The following DENND4B variants were observed in gnomAD, a reference collection of about 807,000 sequenced individuals.
DENND4B encodes DENN domain-containing protein 4B.
A neutral mutation model predicts 161.0 loss-of-function variants in DENND4B; 67 were observed. That is an observed-to-expected ratio of 0.42 (90% CI 0.34 to 0.51). The LOEUF (loss-of-function observed/expected upper bound fraction) is 0.51, where lower values mean the gene tolerates loss of function less well. Ranked by LOEUF, DENND4B falls within the 20% of genes least tolerant of loss-of-function variation. The probability of loss-of-function intolerance (pLI) is 0.08; values close to 1 mark genes in which losing one functional copy is unlikely to be tolerated. For missense variants in DENND4B, 1,481 were observed against 1,968.0 expected (o/e 0.75, Z 4.68); for synonymous variants, 753 against 813.8 (o/e 0.93, Z 1.27).
In DENND4B at chr1:153,934,910, C is replaced by T. The variant is rs1260220964; in HGVS notation, c.2623G>A (p.Ala875Thr). The T allele has an allele frequency of 6.2e-7, 1 of 1,613,428 alleles. No homozygotes were observed. Among genetic ancestry groups the T allele is most frequent in the Middle Eastern group, 1.6e-4 (1 of 6,062 alleles). ...CCCAGGACAACATTCCGGAGCTTGG[C>T]CCAGCGCAGACGCCCACCTGGTGTG... ...SGTPGGRLRW[A>T]KLRNVVLGAA... The change falls in exon 18 of 28, where the codon GCC (alanine) becomes ACC (threonine). Residue 875 changes from alanine (A) to threonine (T), a missense_variant. Ala to Thr is a moderately conservative substitution (Grantham distance 58). Coordinates refer to ENST00000361217, the MANE Select transcript of DENND4B (RefSeq NM_014856.3). This position sits in a 1 kb window ranked among gnomAD's most constrained non-coding sequence, Gnocchi z 5.3.
In DENND4B at chr1:153,942,892, G is replaced by T; in HGVS notation, c.556C>A (p.Leu186Ile). 6.2e-7 allele frequency: 1 copy of T among 1,600,938 alleles called. No individual in the cohort carries two copies. Among genetic ancestry groups the T allele is most frequent in the South Asian group, 1.1e-5 (1 of 90,504 alleles). ...GCCCCACTCACCATGCCAGGGTTGA[G>T]GTTGCGGGGCAGCCGGCAGTAAGTA... ...PHTYCRLPRN[L>I]NPGMWGPAVY... The change falls in exon 3 of 28, where the codon CTC becomes ATC. Residue 186 changes from leucine to isoleucine, a missense_variant. Around this residue, in one of 3 missense-constraint regions of DENND4B, gnomAD observed 806 missense variants for 1,134.4 expected, o/e 0.71. Transcript: ENST00000361217. This position sits in a 1 kb window ranked among gnomAD's most constrained non-coding sequence, Gnocchi z 6.9.
chr1:153,939,928 T>A (rs1679569735), intron 11 of DENND4B, 124 bp from the exon 12 acceptor site: 1 of 969,978 alleles, frequency 1.0e-6, no homozygotes, highest in Non-Finnish European at 1.5e-6. Context: ...AACTAAAGTA[T>A]TACCTTCAAC....
In DENND4B at chr1:153,942,810, T is replaced by C. The variant is rs1679751077; in HGVS notation, c.570+68A>G. The C allele has an allele frequency of 6.5e-7, 1 of 1,533,374 alleles. No individual in the cohort carries two copies. The highest frequency in any genetic ancestry group is 1.3e-5 in the South Asian group (1 of 78,066). The allele number at this position is 1,533,374 out of a possible 1,614,324, so 95.0% of individuals were successfully genotyped here. A position where few individuals can be genotyped will look rare whatever the true frequency, so the allele number is the denominator to read the frequency against. ...TCAGAGCCTTGGTCCTGGGATGCCC[T>C]TTGTTCCCAGTGTCCACACCCACTC... On this transcript the variant is annotated intron_variant, in intron 3 of 27. Coordinates refer to ENST00000361217, the MANE Select transcript of DENND4B (RefSeq NM_014856.3). This position sits in a 1 kb window ranked among gnomAD's most constrained non-coding sequence, Gnocchi z 6.9.
At chr1:153,943,186 C>A in intron 2 of DENND4B, 56 bp from the exon 3 acceptor site, 1 of 1,556,056 alleles carries the variant, frequency 6.4e-7, no homozygotes, top group South Asian at 1.2e-5. Context: ...GACAAAGACC[C>A]AATCCTGCCA....
chr1:153,934,440 T>G lies in DENND4B; in HGVS notation c.2774-138A>C. The G allele has an allele frequency of 7.8e-7, 1 of 1,274,592 alleles. No individual in the cohort carries two copies. Among genetic ancestry groups the G allele is most frequent in the East Asian group, 2.6e-5 (1 of 39,152 alleles). 79.0% of individuals were successfully genotyped at this position (1,274,592 alleles called of 1,614,324 possible). A position where few individuals can be genotyped will look rare whatever the true frequency, so the allele number is the denominator to read the frequency against. ...TTTATCCGTTTTGTGTTTGTTTGTT[T>G]GTTTGTTTTGTTTTGTTTTTTGAGA... is the stretch of plus-strand genomic sequence containing the variant. On this transcript the variant is annotated intron_variant, in intron 18 of 27. Transcript: ENST00000361217. This position sits in a 1 kb window ranked among gnomAD's most constrained non-coding sequence, Gnocchi z 5.3.
rs1457171787 is a variant in DENND4B, at chr1:153,932,628, G to C, written c.3759+14C>G. 1 of 1,607,232 alleles carries C rather than the reference G, an allele frequency of 6.2e-7. No individual in the cohort carries two copies. The highest frequency in any genetic ancestry group is 8.5e-7 in the Non-Finnish European group (1 of 1,175,618). On this transcript the variant is annotated intron_variant, in intron 23 of 27. Transcript: ENST00000361217. The surrounding 1 kb of genome is among the most constrained non-coding windows in gnomAD (Gnocchi z 5.8). ...ACATTCCCGTTCCTCATGCCCCTTT[G>C]GCCCAGCCCTTACCCCCATGTGCCC...
chr1:153,939,662 C>G lies in DENND4B; in HGVS notation c.1746G>C (p.Arg582=). ...CCTGGGTGAGTGGGCGCAGGAAGAC[C>G]CGGTAGCCCTTGAGCAGACAGGCCA... is the stretch of plus-strand genomic sequence containing the variant. ...RFMACLLKGY[R]VFLRPLTQAP... Residue 582 remains arginine, a synonymous_variant, in exon 12 of 28, where the codon CGG becomes CGC. Transcript: ENST00000361217. 1 of 1,613,892 alleles carries G rather than the reference C, an allele frequency of 6.2e-7. No individual in the cohort carries two copies. The highest frequency in any genetic ancestry group is 2.2e-5 in the East Asian group (1 of 44,852).
In DENND4B at chr1:153,943,970, C is replaced by T. The variant is rs900245769; in HGVS notation, c.317+88G>A. ...CCACCAGGCTCCCATCCCCATTGCC[C>T]TTCCCTTGTTCCATAGTCCTACCTC... On this transcript the variant is annotated intron_variant, in intron 2 of 27. Transcript: ENST00000361217. 7.8e-6 allele frequency: 11 copies of T among 1,404,156 alleles called. No individual in the cohort carries two copies. The Admixed American group carries it at 1.2e-4, about 16-fold the overall frequency. 87.0% of individuals were successfully genotyped at this position (1,404,156 alleles called of 1,614,324 possible).
At position 153,937,362 on chromosome 1, in the gene DENND4B, T is replaced by G. The variant is rs995550334; in HGVS notation, c.2232+126A>C. ...CAGGGTTGCTTATGTGCCAAGCACATTTAAACTCCTAACAACCTCATGGGT... is the reference window on the plus strand; with the variant it reads ...CAGGGTTGCTTATGTGCCAAGCACAGTTAAACTCCTAACAACCTCATGGGT... On this transcript the variant is annotated intron_variant, in intron 15 of 27. Coordinates refer to ENST00000361217, the MANE Select transcript of DENND4B (RefSeq NM_014856.3). The surrounding 1 kb of genome is among the most constrained non-coding windows in gnomAD (Gnocchi z 4.7). 2 of 1,374,086 alleles carry G rather than the reference T, an allele frequency of 1.5e-6. No homozygotes were observed. The highest frequency in any genetic ancestry group is 2.9e-5 in the African/African-American group (2 of 68,620). The allele number at this position is 1,374,086 out of a possible 1,614,324, so 85.1% of individuals were successfully genotyped here.
At position 153,936,440 on chromosome 1, in the gene DENND4B, A is replaced by G; in HGVS notation, c.2439+102T>C. ...ATCTGCCCAGCTCTGGGGCTCTGCAACTTCTTTCCTTAGTCTCCACCAAGT... is the reference window on the plus strand; with the variant it reads ...ATCTGCCCAGCTCTGGGGCTCTGCAGCTTCTTTCCTTAGTCTCCACCAAGT... On this transcript the variant is annotated intron_variant, in intron 16 of 27. Coordinates refer to ENST00000361217, the MANE Select transcript of DENND4B (RefSeq NM_014856.3). This position sits in a 1 kb window ranked among gnomAD's most constrained non-coding sequence, Gnocchi z 4.1. The G allele has an allele frequency of 1.5e-6, 2 of 1,336,560 alleles. No homozygotes were observed. Among genetic ancestry groups the G allele is most frequent in the Non-Finnish European group, 2.0e-6 (2 of 989,660 alleles). 82.8% of individuals were successfully genotyped at this position (1,336,560 alleles called of 1,614,324 possible). A position where few individuals can be genotyped will look rare whatever the true frequency, so the allele number is the denominator to read the frequency against.
Position 153,933,183 on chromosome 1 carries a change from G to A in DENND4B, c.3453+14C>T, listed in dbSNP as rs747167311. ...TGTGTTCAAGCACATCTGTGTGGGAGGGGTTATCCTCACTTCCAGGGAAGG... is the reference window on the plus strand; with the variant it reads ...TGTGTTCAAGCACATCTGTGTGGGAAGGGTTATCCTCACTTCCAGGGAAGG... On this transcript the variant is annotated intron_variant, in intron 21 of 27. Transcript: ENST00000361217. This position sits in a 1 kb window ranked among gnomAD's most constrained non-coding sequence, Gnocchi z 5.7. 1 of 1,612,864 alleles carries A rather than the reference G, an allele frequency of 6.2e-7. No individual in the cohort carries two copies. The highest frequency in any genetic ancestry group is 2.2e-5 in the East Asian group (1 of 44,838).
At position 153,936,613 on chromosome 1, in the gene DENND4B, C is replaced by T; in HGVS notation, c.2368G>A (p.Val790Met). 1.2e-6 allele frequency: 2 copies of T among 1,613,000 alleles called. No homozygotes were observed. ...TGGTAGGCTGTGTGCAGTGCCTGCA[C>T]TCGGGAGGGTGCCGACCGCACATAG... The part of the protein sequence containing the change: ...PAYVRSAPSR[V>M]QALHTAYHVL... Residue 790 changes from valine (V) to methionine (M), a missense_variant, in exon 16 of 28, where the codon GTG becomes ATG. Around this residue, in one of 3 missense-constraint regions of DENND4B, gnomAD observed 806 missense variants for 1,134.4 expected, o/e 0.71. Coordinates refer to ENST00000361217, the MANE Select transcript of DENND4B (RefSeq NM_014856.3). The surrounding 1 kb of genome is among the most constrained non-coding windows in gnomAD (Gnocchi z 4.1).
chr1:153,939,184 C>T, intron 12 of DENND4B, 139 bp from the exon 13 acceptor site: 1 of 1,068,968 alleles, frequency 9.4e-7, no homozygotes, highest in Non-Finnish European at 1.3e-6. Flanking sequence ...GGCACAACTA[C>T]CCTAATACCA....
intron 24 of DENND4B, among the ~76,000 whole-genome samples, chr1:153,931,458 C>T (rs915161536): frequency 3.3e-5 from 5 of 151,476 alleles, no homozygotes; most frequent in African/African-American, 7.3e-5. Context: ...GGCAAGGATC[C>T]GAACCAGGTG....
intron 2 of DENND4B, 83 bp from the exon 3 acceptor site, chr1:153,943,213 C>A (rs1679775763): frequency 1.3e-6 from 2 of 1,528,186 alleles, no homozygotes; most frequent in South Asian, 1.3e-5. Flanking sequence ...CCTATCTAAT[C>A]CCCTGAACTT....
chr1:153,932,456 G>T lies in DENND4B; in HGVS notation c.3760-16C>A, dbSNP rs753727203. 35 of 1,594,006 alleles carry T rather than the reference G, an allele frequency of 2.2e-5. No individual in the cohort carries two copies. Among genetic ancestry groups the T allele is most frequent in the Admixed American group, 1.6e-4 (9 of 56,434 alleles). On this transcript the variant is annotated splice_polypyrimidine_tract_variant and intron_variant, in intron 23 of 27. Coordinates refer to ENST00000361217, the MANE Select transcript of DENND4B (RefSeq NM_014856.3). The surrounding 1 kb of genome is among the most constrained non-coding windows in gnomAD (Gnocchi z 5.8). ...GGGAGGCTCCCTATCAGGCACAAAGGGGGAGGGCAGTAGAGGGCATGTACA... is the reference window on the plus strand; with the variant it reads ...GGGAGGCTCCCTATCAGGCACAAAGTGGGAGGGCAGTAGAGGGCATGTACA...
In DENND4B at chr1:153,942,336, C is replaced by T. The variant is rs755896010; in HGVS notation, c.661G>A (p.Glu221Lys). Residue 221 changes from glutamate (E) to lysine (K), a missense_variant, in exon 5 of 28, where the codon GAG (glutamate) becomes AAG (lysine). Around this residue, in one of 3 missense-constraint regions of DENND4B, gnomAD observed 806 missense variants for 1,134.4 expected, o/e 0.71. Coordinates refer to ENST00000361217, the MANE Select transcript of DENND4B (RefSeq NM_014856.3). This position sits in a 1 kb window ranked among gnomAD's most constrained non-coding sequence, Gnocchi z 6.9. ...AGCGGGAACGCCTCATTGTCCTCCT[C>T]CGGGTAGCGGCCCAGCAGCTCTGCA... ...YEAELLGRYPEEDNEAFPLPE... is the reference protein window; with the variant it reads ...YEAELLGRYPKEDNEAFPLPE... The T allele has an allele frequency of 9.3e-6, 15 of 1,612,664 alleles. No homozygotes were observed.
In DENND4B at chr1:153,938,899, C is replaced by G. The variant is rs1230394571; in HGVS notation, c.1965+1G>C. 6.3e-7 allele frequency: 1 copy of G among 1,581,234 alleles called. No homozygotes were observed. Among genetic ancestry groups the G allele is most frequent in the South Asian group, 1.2e-5 (1 of 86,238 alleles). On this transcript the variant is annotated splice_donor_variant, in intron 13 of 27. Coordinates refer to ENST00000361217, the MANE Select transcript of DENND4B (RefSeq NM_014856.3). LOFTEE classifies it high-confidence loss of function. ...ATGAGCACATAGAGAAGGGATGATACCTTTTCAACACAAGAGTCAAAGAAT... is the reference window on the plus strand; with the variant it reads ...ATGAGCACATAGAGAAGGGATGATAGCTTTTCAACACAAGAGTCAAAGAAT...
intron 24 of DENND4B, among the ~76,000 whole-genome samples, 173 bp from the exon 25 acceptor site, chr1:153,931,237 GT>G (rs1678906830): frequency 6.6e-6 from 1 of 152,222 alleles, no homozygotes; most frequent in Non-Finnish European, 1.5e-5. Flanking sequence ...AGCAGGGACT[GT>G]TTTGTAATCT....
Sources: allele counts gnomAD v4.1 joint callset (sites outside exome capture counted in the v4.1 genomes callset), GRCh38; gene constraint gnomAD v4.1.1; regional missense constraint gnomAD v4.1.1; non-coding constraint Gnocchi (gnomAD v3.1); transcripts MANE v1.5; gene names NCBI Gene and HGNC (gene_info 2026-07-23, HGNC 2026-07-21).